The following MTMR7 variants were observed in gnomAD, a reference collection of about 807,000 sequenced individuals.
MTMR7 encodes phosphatidylinositol-3-phosphate phosphatase MTMR7.
A neutral mutation model predicts 81.2 loss-of-function variants in MTMR7; 76 were observed. The observed-to-expected ratio is 0.94, with a 90% CI of 0.78 to 1.13. MTMR7 has a LOEUF of 1.13. Ranked by LOEUF, MTMR7 falls within the 50% of genes most tolerant of loss-of-function variation. MTMR7 has a pLI of 0.00. For synonymous variants in MTMR7, 372 were observed against 289.8 expected (o/e 1.28, Z -2.88); for missense variants, 1,044 against 820.0 (o/e 1.27, Z -3.34).
chr8:17,376,009 C>A (rs528490961), intron 1 of MTMR7, among the ~76,000 whole-genome samples: 1 of 152,120 alleles, frequency 6.6e-6, no homozygotes, highest in African/African-American at 2.4e-5. Context: ...CAAACATTAA[C>A]GCACTATTTT....
Position 17,305,874 on chromosome 8 carries a change from T to C in MTMR7, c.1235A>G (p.Gln412Arg). ...FIECVWQLME[Q>R]FPCAFEFNER... ...ATTGAACTCAAAGGCACAGGGAAAT[T>C]GTTCCATTAACTGCCAAACACACTC... Residue 412 changes from glutamine to arginine, a missense_variant, in exon 11 of 14, where the codon CAA (glutamine) becomes CGA (arginine). Coordinates refer to ENST00000180173, the MANE Select transcript of MTMR7 (RefSeq NM_004686.5). 6.2e-7 allele frequency: 1 copy of C among 1,613,732 alleles called. No homozygotes were observed. The highest frequency in any genetic ancestry group is 1.7e-5 in the Admixed American group (1 of 60,024).
At position 17,397,117 on chromosome 8, in the gene MTMR7, G is replaced by A. The variant is rs542010692; in HGVS notation, c.24+16152C>T. ...GCCTTGGGTGAGACTGAGGCGTGCT[G>A]GCTTCAGGGGAGCCCAGCACATTTG... On this transcript the variant is annotated intron_variant, in intron 1 of 13. Coordinates refer to ENST00000180173, the MANE Select transcript of MTMR7 (RefSeq NM_004686.5). 2.6e-5 allele frequency among the ~76,000 whole-genome samples: 4 copies of A among 152,112 alleles called. No individual in the cohort carries two copies. In the East Asian group the frequency reaches 7.8e-4, roughly 30 times the overall value.
intron 1 of MTMR7, among the ~76,000 whole-genome samples, chr8:17,379,170 A>G (rs915419111): frequency 2.0e-5 from 3 of 152,192 alleles, no homozygotes; most frequent in Non-Finnish European, 4.4e-5. Context: ...GTGGCCCACT[A>G]CATTCAGGAA....
At chr8:17,360,313 G>C (rs1288570877) in intron 4 of MTMR7, among the ~76,000 whole-genome samples, 8 of 152,126 alleles carry the variant, frequency 5.3e-5, no homozygotes, top group African/African-American at 1.4e-4. Flanking sequence ...AATGATGGCA[G>C]TTTTAGGTGA....
At chr8:17,394,738 G>C (rs577942435) in intron 1 of MTMR7, among the ~76,000 whole-genome samples, 2 of 152,098 alleles carry the variant, frequency 1.3e-5, no homozygotes, top group South Asian at 4.2e-4. Flanking sequence ...ATATATATAC[G>C]TGGCAGAGTA....
At chr8:17,384,342 T>C (rs1254372817) in intron 1 of MTMR7, among the ~76,000 whole-genome samples, 2 of 152,126 alleles carry the variant, frequency 1.3e-5, no homozygotes, top group Non-Finnish European at 2.9e-5. Flanking sequence ...GCCCAGGAGT[T>C]TGAGGTTATA....
intron 4 of MTMR7, among the ~76,000 whole-genome samples, chr8:17,349,946 T>C (rs1372271680): frequency 6.6e-6 from 1 of 152,138 alleles, no homozygotes; most frequent in African/African-American, 2.4e-5. Context: ...TCTCTAGAAG[T>C]GATACTGCAG....
intron 10 of MTMR7, among the ~76,000 whole-genome samples, chr8:17,306,882 T>C (rs567760837): frequency 1.3e-5 from 2 of 151,974 alleles, no homozygotes; most frequent in South Asian, 4.2e-4. Flanking sequence ...TATACAAAAA[T>C]TAATTCAAGA....
intron 6 of MTMR7, among the ~76,000 whole-genome samples, chr8:17,331,729 G>A (rs996945824): frequency 6.6e-6 from 1 of 152,076 alleles, no homozygotes; most frequent in African/African-American, 2.4e-5. Flanking sequence ...CAATAAACAC[G>A]TTATCAAATA....
At chr8:17,401,091 A>C (rs2150583632) in intron 1 of MTMR7, among the ~76,000 whole-genome samples, 1 of 152,134 alleles carries the variant, frequency 6.6e-6, no homozygotes, top group African/African-American at 2.4e-5. Flanking sequence ...GGGATACGGA[A>C]TGTATGCATG....
chr8:17,312,863 G>C (rs919060217), intron 8 of MTMR7, among the ~76,000 whole-genome samples: 1 of 152,112 alleles, frequency 6.6e-6, no homozygotes, highest in Non-Finnish European at 1.5e-5. Flanking sequence ...TTATGTGAAA[G>C]CTGCAGCGAC....
At chr8:17,400,395 T>A (rs943633132) in intron 1 of MTMR7, among the ~76,000 whole-genome samples, 1 of 152,150 alleles carries the variant, frequency 6.6e-6, no homozygotes, top group East Asian at 1.9e-4. Context: ...AAACCAGGCA[T>A]TGTGGCCCCA....
At chr8:17,378,423 G>T (rs767161744) in intron 1 of MTMR7, among the ~76,000 whole-genome samples, 4 of 152,142 alleles carry the variant, frequency 2.6e-5, no homozygotes, top group Non-Finnish European at 4.4e-5. Context: ...CAGAGTTTGG[G>T]CACCATCTTG....
chr8:17,407,581 T>C (rs13277134), intron 1 of MTMR7, among the ~76,000 whole-genome samples: 3 of 150,062 alleles, frequency 2.0e-5, no homozygotes, highest in Non-Finnish European at 4.4e-5. Context: ...GTAAATATAA[T>C]GACATTTCCA....
chr8:17,392,952 G>A (rs1331100812), intron 1 of MTMR7, among the ~76,000 whole-genome samples: 1 of 152,206 alleles, frequency 6.6e-6, no homozygotes, highest in Non-Finnish European at 1.5e-5. Flanking sequence ...TATGTGCCAT[G>A]TTATTTAGTG....
At chr8:17,304,355 C>T in intron 12 of MTMR7, 24 bp downstream of exon 12, 2 of 1,603,962 alleles carry the variant, frequency 1.2e-6, no homozygotes, top group East Asian at 4.5e-5. Context: ...ACCATGGCTA[C>T]AAAGTTACCA....
At chr8:17,381,881 G>A (rs1820772098) in intron 1 of MTMR7, among the ~76,000 whole-genome samples, 3 of 152,196 alleles carry the variant, frequency 2.0e-5, no homozygotes, top group Admixed American at 2.0e-4. Flanking sequence ...AGAGGCCTGG[G>A]CTCTGGTTCT....
At chr8:17,351,042 G>T (rs888182949) in intron 4 of MTMR7, among the ~76,000 whole-genome samples, 3 of 152,196 alleles carry the variant, frequency 2.0e-5, no homozygotes, top group Non-Finnish European at 4.4e-5. Flanking sequence ...CCTCCATGAA[G>T]TCAGCCAGCT....
intron 6 of MTMR7, among the ~76,000 whole-genome samples, chr8:17,340,949 T>A (rs901659004): frequency 1.3e-5 from 2 of 152,216 alleles, no homozygotes; most frequent in African/African-American, 4.8e-5. Flanking sequence ...TTACTACAAG[T>A]TGAATTTGAA....
Sources: gnomAD v4.1 joint callset for allele counts (sites outside exome capture counted in the v4.1 genomes callset) on GRCh38, gnomAD v4.1.1 for gene constraint, MANE v1.5 for transcripts, NCBI Gene and HGNC (gene_info 2026-07-23, HGNC 2026-07-21) for gene names.